The following EXTL3 variants were observed in gnomAD, a reference collection of about 807,000 sequenced individuals.
The protein encoded by EXTL3 is exostosin-like 3.
In EXTL3, 27 loss-of-function variants were observed where a neutral mutation model predicts 69.3. The ratio of observed to expected loss-of-function variants is 0.39; its 90% confidence interval spans 0.29 to 0.54. The LOEUF (loss-of-function observed/expected upper bound fraction) is 0.54. Among genes scored for constraint, EXTL3 ranks in the 20% least tolerant of loss-of-function variants. EXTL3 has a pLI of 0.69. For missense variants in EXTL3, 1,003 were observed against 1,231.8 expected, an observed-to-expected ratio of 0.81 and a Z score of 2.78; for synonymous variants, 511 against 499.4, an observed-to-expected ratio of 1.02 and a Z score of -0.31.
At chr8:28,610,198 A>G (rs1241205268) in intron 2 of EXTL3, among the ~76,000 whole-genome samples, 1 of 144,842 alleles carries the variant, frequency 6.9e-6, no homozygotes, top group Non-Finnish European at 1.5e-5. Flanking sequence ...GCGAGACTCC[A>G]TCTCAAAAAT....
chr8:28,755,912 C>G (rs189611101), downstream of EXTL3, among the ~76,000 whole-genome samples: 172 of 152,260 alleles, frequency 1.1e-3, no homozygotes, highest in African/African-American at 3.9e-3. Flanking sequence ...TTTTACTGGA[C>G]CCGCCTTGGA....
chr8:28,616,233 C>T (rs555410229), intron 2 of EXTL3, among the ~76,000 whole-genome samples: 10 of 151,826 alleles, frequency 6.6e-5, no homozygotes, highest in African/African-American at 1.9e-4. Flanking sequence ...GAATACTTTT[C>T]GGTGGAGGGA....
intron 2 of EXTL3, among the ~76,000 whole-genome samples, chr8:28,607,926 C>T (rs112172656): frequency 2.6e-5 from 4 of 151,138 alleles, no homozygotes; most frequent in African/African-American, 7.4e-5. Flanking sequence ...TCCTGGCTAA[C>T]ACCATGAAAC....
intron 1 of EXTL3, among the ~76,000 whole-genome samples, chr8:28,681,504 C>T (rs866608815): frequency 3.0e-4 from 46 of 151,654 alleles, no homozygotes; most frequent in Middle Eastern, 3.2e-3. Context: ...GATGACAGAG[C>T]GAGACTCTGT....
chr8:28,717,016 G>A lies in EXTL3; in HGVS notation c.957G>A (p.Leu319=), dbSNP rs112390366. The change falls in exon 3 of 7, where the codon CTG becomes CTA. Residue 319 remains leucine, a synonymous_variant. Coordinates refer to ENST00000220562, the MANE Select transcript of EXTL3 (RefSeq NM_001440.4). This position sits in a 1 kb window ranked among gnomAD's most constrained non-coding sequence, Gnocchi z 8.3. The part of the protein sequence containing the change: ...RPGFDLVVSP[L]VHAMSEPNFM... The stretch of plus-strand genomic sequence containing the variant: ...GCTTTGACTTGGTCGTATCACCGCT[G>A]GTCCATGCCATGTCTGAGCCCAACT... The A allele has an allele frequency of 1.7e-4, 280 of 1,614,196 alleles. No individual in the cohort carries two copies. The African/African-American group carries it at 3.3e-3, about 19-fold the overall frequency.
At chr8:28,680,571 G>A (rs1050487592) in intron 1 of EXTL3, among the ~76,000 whole-genome samples, 8 of 151,528 alleles carry the variant, frequency 5.3e-5, no homozygotes, top group African/African-American at 1.9e-4. Flanking sequence ...ATACTTATTT[G>A]TGTGTGTGTG....
chr8:28,687,719 A>G (rs1394767327), intron 1 of EXTL3, among the ~76,000 whole-genome samples: 1 of 152,188 alleles, frequency 6.6e-6, no homozygotes, highest in Non-Finnish European at 1.5e-5. Flanking sequence ...ACCCAGACAC[A>G]CAAGCATTTA....
At chr8:28,671,680 C>A (rs147642586) in intron 1 of EXTL3, among the ~76,000 whole-genome samples, 40 of 152,212 alleles carry the variant, frequency 2.6e-4, no homozygotes, top group African/African-American at 9.4e-4. Context: ...GTTGGCTGCC[C>A]CCTTTAATCA....
chr8:28,745,987 GT>G (rs1186629390), intron 6 of EXTL3, among the ~76,000 whole-genome samples: 3 of 152,152 alleles, frequency 2.0e-5, no homozygotes, highest in Non-Finnish European at 4.4e-5. Flanking sequence ...CTAACTCTTA[GT>G]AATTCCTTCA....
At chr8:28,704,785 C>T (rs972821699) in intron 1 of EXTL3, among the ~76,000 whole-genome samples, 1 of 152,168 alleles carries the variant, frequency 6.6e-6, no homozygotes, top group African/African-American at 2.4e-5. Context: ...ATTCTCCTGC[C>T]TCAACCTCCC....
At chr8:28,723,637 A>G (rs532526845) in intron 3 of EXTL3, among the ~76,000 whole-genome samples, 1 of 133,948 alleles carries the variant, frequency 7.5e-6, no homozygotes, top group African/African-American at 2.8e-5. Context: ...AGGGCTCAGG[A>G]CTGTTTTTTT....
rs888609307 is a variant in EXTL3 at position 28,718,038 on chromosome 8, G to T, written c.1979G>T (p.Arg660Leu). ...FQAALGGNVPREQFTVVMLTY... is the reference protein window; with the variant it reads ...FQAALGGNVPLEQFTVVMLTY... ...GCAGCGCTTGGAGGCAATGTTCCCC[G>T]AGAGCAGTTCACGGTGGTGATGTTG... Residue 660 changes from arginine to leucine, a missense_variant, in exon 3 of 7, where the codon CGA becomes CTA. Physicochemically the swap from Arg to Leu is moderately radical, Grantham distance 102 (BLOSUM62 -2). Transcript: ENST00000220562. 1 of 1,614,076 alleles carries T rather than the reference G, an allele frequency of 6.2e-7. No individual in the cohort carries two copies. Among genetic ancestry groups the T allele is most frequent in the Admixed American group, 1.7e-5 (1 of 60,026 alleles).
In EXTL3 at chr8:28,651,567, C is replaced by T. The variant is rs534514925; in HGVS notation, c.-53+28757C>T. Among the ~76,000 whole-genome samples the T allele has an allele frequency of 7.2e-5, 11 of 152,276 alleles. No homozygotes were observed. In the East Asian group the frequency reaches 2.1e-3, roughly 29 times the overall value. On this transcript the variant is annotated intron_variant, in intron 1 of 6. Transcript: ENST00000523149. ...CTCAAACTCCTGGGCTCAAGTGATC[C>T]TCCTGCCTCAGCCTTCCAAAGTGCT...
intron 1 of EXTL3, among the ~76,000 whole-genome samples, chr8:28,688,691 C>T (rs576517801): frequency 1.3e-5 from 2 of 152,234 alleles, no homozygotes; most frequent in South Asian, 4.1e-4. Flanking sequence ...TCTTATTTTC[C>T]CCAGGCCTGA....
At position 28,717,095 on chromosome 8, in the gene EXTL3, C is replaced by A; in HGVS notation, c.1036C>A (p.Gln346Lys). 6.2e-7 allele frequency: 1 copy of A among 1,614,220 alleles called. No individual in the cohort carries two copies. Among genetic ancestry groups the A allele is most frequent in the Non-Finnish European group, 8.5e-7 (1 of 1,180,030 alleles). The change falls in exon 3 of 7, where the codon CAG becomes AAG. Residue 346 changes from glutamine to lysine, a missense_variant. By Grantham distance (53) the Gln-to-Lys change is moderately conservative. Coordinates refer to ENST00000220562, the MANE Select transcript of EXTL3 (RefSeq NM_001440.4). This position sits in a 1 kb window ranked among gnomAD's most constrained non-coding sequence, Gnocchi z 8.3. ...PVKRKYLFTF[Q>K]GEKIESLRSS... Reference sequence around the variant, plus strand: ...GAAGCGGAAATATCTCTTCACCTTCCAGGGCGAGAAGATTGAGTCTCTGAG... The same window carrying A: ...GAAGCGGAAATATCTCTTCACCTTCAAGGGCGAGAAGATTGAGTCTCTGAG...
chr8:28,736,651 A>G (rs949229883), intron 4 of EXTL3, among the ~76,000 whole-genome samples: 2 of 152,204 alleles, frequency 1.3e-5, no homozygotes, highest in African/African-American at 4.8e-5. Context: ...GCAGTTCAGT[A>G]GTCTTCTGTG....
chr8:28,629,012 A>C (rs1190247473), intron 1 of EXTL3, among the ~76,000 whole-genome samples: 1 of 152,172 alleles, frequency 6.6e-6, no homozygotes, highest in East Asian at 1.9e-4. Context: ...AGAAGCTGGA[A>C]GGTGGCAGAG....
intron 1 of EXTL3, among the ~76,000 whole-genome samples, chr8:28,673,596 G>GTCCTTAC (rs747619483): frequency 0.016 from 2,380 of 152,226 alleles, 33 homozygotes; most frequent in Middle Eastern, 0.027. Flanking sequence ...AGAAAGGCTG[G>GTCCTTAC]TCATGGGACT....
In EXTL3 at chr8:28,717,623, A is replaced by G; in HGVS notation, c.1564A>G (p.Thr522Ala). 2.5e-6 allele frequency: 4 copies of G among 1,614,210 alleles called. No homozygotes were observed. Among genetic ancestry groups the G allele is most frequent in the East Asian group, 2.2e-5 (1 of 44,882 alleles). The stretch of plus-strand genomic sequence containing the variant: ...CTTTCTCTGGGAGACTTACTTCTCC[A>G]CTGCTGACAGTATTTTTAATACCGT... Reference protein sequence around the residue: ...GRFLWETYFSTADSIFNTVLA... With the variant: ...GRFLWETYFSAADSIFNTVLA... The change falls in exon 3 of 7, where the codon ACT becomes GCT. Residue 522 changes from threonine to alanine, a missense_variant. Coordinates refer to ENST00000220562, the MANE Select transcript of EXTL3 (RefSeq NM_001440.4). The surrounding 1 kb of genome is among the most constrained non-coding windows in gnomAD (Gnocchi z 8.3).
Sources: gnomAD v4.1 joint callset for allele counts (sites outside exome capture counted in the v4.1 genomes callset) on GRCh38, gnomAD v4.1.1 for gene constraint, Gnocchi (gnomAD v3.1) non-coding constraint, MANE v1.5 for transcripts, NCBI Gene and HGNC (gene_info 2026-07-23, HGNC 2026-07-21) for gene names.